The following FGGY variants were observed in gnomAD, a reference collection of about 807,000 sequenced individuals.
The protein encoded by FGGY is FGGY carbohydrate kinase domain-containing protein.
FGGY carries 72 observed loss-of-function variants against 71.3 expected under a neutral mutation model. The ratio of observed to expected loss-of-function variants is 1.01; its 90% confidence interval spans 0.84 to 1.23. The LOEUF (loss-of-function observed/expected upper bound fraction) is 1.23, where lower values mean the gene tolerates loss of function less well. FGGY is among the 50% of genes most tolerant of loss of function. The pLI, the probability that FGGY is intolerant of heterozygous loss-of-function variation, is 0.00. For missense variants in FGGY, 668 were observed against 682.3 expected (o/e 0.98, Z 0.23); for synonymous variants, 251 against 250.3 (o/e 1.00, Z -0.02).
At chr1:59,483,072 T>G (rs1310308807) in intron 6 of FGGY, among the ~76,000 whole-genome samples, 1 of 152,186 alleles carries the variant, frequency 6.6e-6, no homozygotes, top group Non-Finnish European at 1.5e-5. Context: ...CCAGCCACAC[T>G]TTGAGATCCA....
intron 14 of FGGY, among the ~76,000 whole-genome samples, chr1:59,720,053 T>G (rs1468348722): frequency 6.6e-6 from 1 of 152,198 alleles, no homozygotes; most frequent in Non-Finnish European, 1.5e-5. Flanking sequence ...AAAATCTCTG[T>G]AAGAGGTGAG....
At chr1:59,506,714 G>A (rs1296196499) in intron 6 of FGGY, among the ~76,000 whole-genome samples, 2 of 152,138 alleles carry the variant, frequency 1.3e-5, no homozygotes, top group African/African-American at 2.4e-5. Flanking sequence ...CATGAGAATC[G>A]CTTGAACCTG....
intron 14 of FGGY, among the ~76,000 whole-genome samples, chr1:59,730,502 C>T (rs1354141511): frequency 6.6e-6 from 1 of 152,122 alleles, no homozygotes; most frequent in Non-Finnish European, 1.5e-5. Flanking sequence ...TAGCACCTGA[C>T]TCAAAGTAAG....
At chr1:59,508,019 G>C (rs1450012555) in intron 6 of FGGY, among the ~76,000 whole-genome samples, 1 of 151,918 alleles carries the variant, frequency 6.6e-6, no homozygotes, top group Non-Finnish European at 1.5e-5. Flanking sequence ...GCCCCTCAGG[G>C]CTCCCTACAG....
intron 5 of FGGY, among the ~76,000 whole-genome samples, chr1:59,416,173 A>T (rs545473422): frequency 1.3e-5 from 2 of 152,312 alleles, no homozygotes; most frequent in Admixed American, 1.3e-4. Context: ...AGTTAGTTGC[A>T]GTGGGGAAGA....
chr1:59,365,670 C>A (rs1557681325), intron 4 of FGGY, among the ~76,000 whole-genome samples: 1 of 152,140 alleles, frequency 6.6e-6, no homozygotes, highest in Non-Finnish European at 1.5e-5. Context: ...AGTCTTGGTC[C>A]CTTCCTGGGC....
intron 1 of FGGY, among the ~76,000 whole-genome samples, chr1:59,319,652 G>A (rs1290352257): frequency 6.6e-6 from 1 of 152,198 alleles, no homozygotes; most frequent in Admixed American, 6.5e-5. Context: ...AAGGATTGGG[G>A]CAGCCTTTAG....
intron 13 of FGGY, 96 bp from the exon 14 acceptor site, chr1:59,673,943 C>T (rs1240614923): frequency 1.0e-6 from 1 of 956,660 alleles, no homozygotes; most frequent in African/African-American, 1.6e-5. Flanking sequence ...TGCTGCTGCC[C>T]TGATGTCAGG....
intron 7 of FGGY, among the ~76,000 whole-genome samples, chr1:59,516,296 A>G (rs1427763970): frequency 6.6e-6 from 1 of 152,228 alleles, no homozygotes; most frequent in Non-Finnish European, 1.5e-5. Flanking sequence ...TTAACTAAAT[A>G]TAATTGAGTG....
At chr1:59,323,990 GGTC>G (rs1408804557) in intron 2 of FGGY, among the ~76,000 whole-genome samples, 1 of 152,134 alleles carries the variant, frequency 6.6e-6, no homozygotes, top group African/African-American at 2.4e-5. Context: ...GAGAAACACT[GGTC>G]TAGGGCAAAG....
intron 7 of FGGY, among the ~76,000 whole-genome samples, chr1:59,552,425 A>G (rs1049242601): frequency 2.0e-5 from 3 of 152,220 alleles, no homozygotes; most frequent in Admixed American, 2.0e-4. Context: ...CCCTGTTGCT[A>G]GACCTCTGAA....
At chr1:59,509,243 C>G (rs1248712857) in intron 6 of FGGY, among the ~76,000 whole-genome samples, 1 of 152,196 alleles carries the variant, frequency 6.6e-6, no homozygotes, top group Non-Finnish European at 1.5e-5. Flanking sequence ...TCCATGGAAT[C>G]CCTTCTGTCT....
intron 14 of FGGY, among the ~76,000 whole-genome samples, chr1:59,709,335 TCTCA>T (rs1214197363): frequency 1.3e-5 from 2 of 152,190 alleles, no homozygotes; most frequent in Non-Finnish European, 2.9e-5. Context: ...ATGAGAATTC[TCTCA>T]CTATCACAAG....
In FGGY at chr1:59,625,906, A is replaced by G; in HGVS notation, c.1012-82A>G. ...ATGGACAAAGAGTTGAAAGAAACATATACTCATTTTAATATAAATTTTTCT... is the reference window on the plus strand; with the variant it reads ...ATGGACAAAGAGTTGAAAGAAACATGTACTCATTTTAATATAAATTTTTCT... On this transcript the variant is annotated intron_variant, in intron 9 of 15. Transcript: ENST00000303721. 5.7e-6 allele frequency: 6 copies of G among 1,051,506 alleles called. 1 individual carries two copies. The South Asian group carries it at 7.5e-5, about 13-fold the overall frequency. 65.1% of individuals were successfully genotyped at this position (1,051,506 alleles called of 1,614,324 possible).
intron 5 of FGGY, among the ~76,000 whole-genome samples, chr1:59,434,001 C>T (rs181987851): frequency 1.6e-4 from 24 of 152,330 alleles, no homozygotes; most frequent in African/African-American, 5.8e-4. Context: ...ACATGCTTAG[C>T]TTCTTTGATC....
chr1:59,547,364 C>T (rs1464769894), intron 7 of FGGY, among the ~76,000 whole-genome samples: 1 of 152,074 alleles, frequency 6.6e-6, no homozygotes, highest in Non-Finnish European at 1.5e-5. Context: ...TTCAGCTATC[C>T]TATTGTCTAG....
At chr1:59,417,050 C>A (rs899627759) in intron 5 of FGGY, among the ~76,000 whole-genome samples, 2 of 152,002 alleles carry the variant, frequency 1.3e-5, no homozygotes, top group African/African-American at 4.8e-5. Flanking sequence ...GCAACCATAC[C>A]CCAGTATCCG....
chr1:59,585,786 A>C (rs1359894054), intron 8 of FGGY, among the ~76,000 whole-genome samples: 1 of 152,236 alleles, frequency 6.6e-6, no homozygotes, highest in African/African-American at 2.4e-5. Context: ...CAAAGGGCTA[A>C]TATCCAGAAT....
intron 2 of FGGY, among the ~76,000 whole-genome samples, chr1:59,324,610 C>G (rs946701385): frequency 6.6e-6 from 1 of 152,092 alleles, no homozygotes; most frequent in African/African-American, 2.4e-5. Context: ...TGATTGTTCT[C>G]TCTGTTTTGA....
Sources: gnomAD v4.1 joint callset for allele counts (sites outside exome capture counted in the v4.1 genomes callset) on GRCh38, gnomAD v4.1.1 for gene constraint, MANE v1.5 for transcripts, NCBI Gene and HGNC (gene_info 2026-07-23, HGNC 2026-07-21) for gene names.